FRMPD4: variants seen among roughly 807,000 people sequenced by gnomAD.
The protein encoded by FRMPD4 is FERM and PDZ domain containing 4, also known as FERM and PDZ domain-containing protein 4.
FRMPD4 carries 22 observed loss-of-function variants against 94.1 expected under a neutral mutation model. The ratio of observed to expected loss-of-function variants is 0.23; its 90% confidence interval spans 0.17 to 0.33. FRMPD4 has a LOEUF of 0.33. Among genes scored for constraint, FRMPD4 ranks in the 10% least tolerant of loss-of-function variants. The pLI is 1.00. For missense variants in FRMPD4, 1,111 were observed against 1,339.9 expected (o/e 0.83, Z 2.67); for synonymous variants, 631 against 548.6 (o/e 1.15, Z -2.10).
intron 2 of FRMPD4, among the ~76,000 whole-genome samples, chrX:12,543,635 G>C (rs1347860119): frequency 1.8e-5 from 2 of 112,005 alleles, no homozygotes; most frequent in African/African-American, 3.3e-5. Context: ...TTACACTGTT[G>C]GTGGGACTGT....
intron 2 of FRMPD4, among the ~76,000 whole-genome samples, chrX:12,520,686 T>C (rs767460597): frequency 3.6e-5 from 4 of 111,950 alleles, no homozygotes; most frequent in Admixed American, 2.8e-4. Flanking sequence ...CATCTTCACA[T>C]TGGCCATTCA....
At chrX:11,904,301 T>C (rs1601831270) in intron 3 of FRMPD4, among the ~76,000 whole-genome samples, 1 of 111,762 alleles carries the variant, frequency 8.9e-6, no homozygotes, top group African/African-American at 3.3e-5. Flanking sequence ...TCATGAAAGG[T>C]AGACCTCATA....
intron 3 of FRMPD4, among the ~76,000 whole-genome samples, chrX:11,994,389 C>T (rs909947336): frequency 2.8e-4 from 31 of 111,491 alleles, no homozygotes; most frequent in African/African-American, 9.8e-4. Flanking sequence ...GGCTCTAGTA[C>T]AGACCTCTCA....
chrX:12,613,682 C>T (rs1360396941), intron 3 of FRMPD4, among the ~76,000 whole-genome samples: 1 of 111,813 alleles, frequency 8.9e-6, no homozygotes, highest in Non-Finnish European at 1.9e-5. Context: ...CTTGTCTCTA[C>T]AAAAAGTAAA....
chrX:11,884,794 C>T (rs1164775876), intron 3 of FRMPD4, among the ~76,000 whole-genome samples: 4 of 110,866 alleles, frequency 3.6e-5, no homozygotes, highest in South Asian at 7.6e-4. Flanking sequence ...AAAATACTGG[C>T]GTGAATAAAG....
At chrX:11,909,395 G>T (rs907076287) in intron 3 of FRMPD4, among the ~76,000 whole-genome samples, 1 of 111,307 alleles carries the variant, frequency 9.0e-6, no homozygotes, top group Admixed American at 9.5e-5. Flanking sequence ...GTATGGTGAT[G>T]CTTCCTTTTT....
chrX:11,946,710 T>A (rs1303542261), intron 3 of FRMPD4, among the ~76,000 whole-genome samples: 3 of 111,540 alleles, frequency 2.7e-5, no homozygotes, highest in Non-Finnish European at 5.7e-5. Flanking sequence ...CTCCCTGGTA[T>A]GGGCAGGCAT....
chrX:12,606,198 G>A (rs929094752), intron 2 of FRMPD4, among the ~76,000 whole-genome samples: 4 of 112,475 alleles, frequency 3.6e-5, no homozygotes, highest in Non-Finnish European at 7.5e-5. Context: ...TCCTGTGGTA[G>A]GAAGAGGGTA....
At chrX:12,087,172 G>A (rs1471104459) in intron 3 of FRMPD4, among the ~76,000 whole-genome samples, 1 of 111,516 alleles carries the variant, frequency 9.0e-6, no homozygotes, top group Non-Finnish European at 1.9e-5. Context: ...CAAGGGGAGG[G>A]GATTATAGAA....
chrX:12,100,057 G>A (rs1270858541), intron 3 of FRMPD4, among the ~76,000 whole-genome samples: 1 of 112,393 alleles, frequency 8.9e-6, no homozygotes, highest in Non-Finnish European at 1.9e-5. Context: ...CTGCACTGGA[G>A]TTGAGTAGTT....
At chrX:12,519,464 A>T (rs1013980522) in intron 2 of FRMPD4, among the ~76,000 whole-genome samples, 2 of 112,060 alleles carry the variant, frequency 1.8e-5, no homozygotes, top group Non-Finnish European at 3.8e-5. Flanking sequence ...CATGGGGGAA[A>T]GCTTTATGAC....
chrX:11,850,473 C>T (rs1261104270), intron 1 of FRMPD4, among the ~76,000 whole-genome samples: 1 of 112,213 alleles, frequency 8.9e-6, no homozygotes, highest in Non-Finnish European at 1.9e-5. Context: ...GCATTGAAAG[C>T]AGGATCTTGG....
At chrX:12,509,185 T>C (rs1364367858) in intron 2 of FRMPD4, among the ~76,000 whole-genome samples, 1 of 110,420 alleles carries the variant, frequency 9.1e-6, no homozygotes, top group Non-Finnish European at 1.9e-5. Flanking sequence ...GGAGATTCCT[T>C]AAACAACTAA....
At chrX:12,439,491 G>C (rs2057109995) in intron 1 of FRMPD4, among the ~76,000 whole-genome samples, 1 of 111,384 alleles carries the variant, frequency 9.0e-6, no homozygotes, top group Non-Finnish European at 1.9e-5. Context: ...CTCAAAACCA[G>C]AGCTCCTAAC....
At chrX:11,873,483 G>A (rs769637101) in intron 2 of FRMPD4, among the ~76,000 whole-genome samples, 1 of 110,539 alleles carries the variant, frequency 9.0e-6, no homozygotes, top group Non-Finnish European at 1.9e-5. Context: ...AAATACTTAG[G>A]GATAAATTAG....
At chrX:12,654,990 C>T (rs1221329877) in intron 4 of FRMPD4, among the ~76,000 whole-genome samples, 1 of 111,937 alleles carries the variant, frequency 8.9e-6, no homozygotes, top group Non-Finnish European at 1.9e-5. Context: ...ATGACATTAC[C>T]TTCTTTACTG....
intron 1 of FRMPD4, among the ~76,000 whole-genome samples, chrX:12,184,763 G>T (rs1254413517): frequency 9.0e-6 from 1 of 111,309 alleles, no homozygotes. Context: ...TTATTTGTGG[G>T]ATCTAAAAAT....
chrX:12,109,655 A>G (rs1029868059), intron 3 of FRMPD4, among the ~76,000 whole-genome samples: 13 of 111,913 alleles, frequency 1.2e-4, no homozygotes, highest in Non-Finnish European at 2.4e-4. Context: ...TGAAAAGATC[A>G]ACAAAATTGA....
intron 1 of FRMPD4, among the ~76,000 whole-genome samples, chrX:12,443,248 CAAT>C (rs1039333251): frequency 9.0e-6 from 1 of 111,693 alleles, no homozygotes; most frequent in Non-Finnish European, 1.9e-5. Context: ...AATCATATCT[CAAT>C]AAATCCATAG....
Sources: gnomAD v4.1 joint callset for allele counts (sites outside exome capture counted in the v4.1 genomes callset) on GRCh38, gnomAD v4.1.1 for gene constraint, MANE v1.5 for transcripts, NCBI Gene and HGNC (gene_info 2026-07-23, HGNC 2026-07-21) for gene names.